Variants in CREB1 observed in about 807,000 individuals in gnomAD.
The protein encoded by CREB1 is cyclic AMP-responsive element-binding protein 1.
CREB1 carries 2 observed loss-of-function variants against 42.0 expected under a neutral mutation model. The ratio of observed to expected loss-of-function variants is 0.05; its 90% CI spans 0.02 to 0.15. The LOEUF (loss-of-function observed/expected upper bound fraction) is 0.15. Among genes scored for constraint, CREB1 ranks in the 10% least tolerant of loss-of-function variants. CREB1 has a pLI of 1.00. For missense variants in CREB1, 199 were observed against 388.9 expected (o/e 0.51, Z 4.11); for synonymous variants, 123 against 139.9 (o/e 0.88, Z 0.85).
At chr2:207,542,868 T>G (rs906001738) in intron 1 of CREB1, among the ~76,000 whole-genome samples, 1 of 152,228 alleles carries the variant, frequency 6.6e-6, no homozygotes, top group Non-Finnish European at 1.5e-5. Flanking sequence ...AGGCCTTCCC[T>G]TTATTCTGTG....
intron 5 of CREB1, among the ~76,000 whole-genome samples, chr2:207,573,018 G>C (rs1156929915): frequency 6.6e-6 from 1 of 152,094 alleles, no homozygotes; most frequent in Non-Finnish European, 1.5e-5. Flanking sequence ...TAGAAAATGT[G>C]TATCTGTCAT....
Position 207,575,379 on chromosome 2 carries a change from A to G in CREB1, c.613A>G (p.Thr205Ala). ...CAATGCAGCAGCCACTCAGCCGGGT[A>G]CTACCATTCTACAGTATGCACAGAC... ...MTNAAATQPG[T>A]TILQYAQTTD... The change falls in exon 6 of 8, where the codon ACT becomes GCT. Residue 205 changes from threonine (T) to alanine (A), a missense_variant. Transcript: ENST00000353267. 3.1e-6 allele frequency: 5 copies of G among 1,614,186 alleles called. No individual in the cohort carries two copies. The highest frequency in any genetic ancestry group is 4.2e-6 in the Non-Finnish European group (5 of 1,180,004).
At chr2:207,591,526 T>G (rs1396875531) in intron 7 of CREB1, among the ~76,000 whole-genome samples, 1 of 152,140 alleles carries the variant, frequency 6.6e-6, no homozygotes, top group Non-Finnish European at 1.5e-5. Context: ...TCCACCTCCC[T>G]GATTCAAGTG....
At chr2:207,545,179 G>A (rs2081254652) in intron 1 of CREB1, among the ~76,000 whole-genome samples, 1 of 152,136 alleles carries the variant, frequency 6.6e-6, no homozygotes, top group Non-Finnish European at 1.5e-5. Context: ...CACCAACAAT[G>A]TAGAAGCATT....
Position 207,571,064 on chromosome 2 carries a change from A to AT in CREB1, c.505+750dup, listed in dbSNP as rs1203086321. 2.4e-4 allele frequency among the ~76,000 whole-genome samples: 8 copies of AT among 32,918 alleles called. No homozygotes were observed. In the South Asian group the frequency reaches 5.2e-3, roughly 22 times the overall value. 21.6% of individuals were successfully genotyped at this position (32,918 alleles called of 152,430 possible). On this transcript the variant is annotated intron_variant, in intron 5 of 7. Transcript: ENST00000353267. ...CTCAAAGTGCTTTATTCATTCAGTG[A>AT]TTTTTTTCATTTGTATTTGTTTATT...
At chr2:207,548,470 G>C (rs1014893815) in intron 1 of CREB1, among the ~76,000 whole-genome samples, 2 of 152,068 alleles carry the variant, frequency 1.3e-5, no homozygotes, top group Non-Finnish European at 2.9e-5. Context: ...GATTCCTGGG[G>C]CCAGGCCCGG....
At chr2:207,581,066 T>G (rs1398057213) in intron 7 of CREB1, 1 of 213,902 alleles carries the variant, frequency 4.7e-6, no homozygotes, top group Non-Finnish European at 9.4e-6. Context: ...TTATGTAACT[T>G]TACATTGTAG....
intron 1 of CREB1, chr2:207,534,480 A>G (rs892699565): frequency 6.6e-6 from 1 of 152,152 alleles, no homozygotes; most frequent in Non-Finnish European, 1.5e-5. Context: ...TATAGGCGTG[A>G]GCCACCACGC....
chr2:207,575,985 A>T (rs1262384267), intron 6 of CREB1, among the ~76,000 whole-genome samples: 50 of 101,736 alleles, frequency 4.9e-4, no homozygotes, highest in East Asian at 3.1e-4. Flanking sequence ...ATCAGTTTTT[A>T]TTATTATTAT....
At chr2:207,543,294 C>T (rs533672526) in intron 1 of CREB1, among the ~76,000 whole-genome samples, 1 of 152,192 alleles carries the variant, frequency 6.6e-6, no homozygotes, top group East Asian at 1.9e-4. Context: ...TACAGAGGCC[C>T]AGTTGTAACT....
At chr2:207,580,752 T>C (rs775832856) in intron 7 of CREB1, 1 of 224,860 alleles carries the variant, frequency 4.4e-6, no homozygotes, top group Non-Finnish European at 8.9e-6. Context: ...CGAATCTCAG[T>C]GTCTTAAAAT....
chr2:207,557,283 C>T (rs1221941102), intron 2 of CREB1, among the ~76,000 whole-genome samples: 2 of 152,178 alleles, frequency 1.3e-5, no homozygotes, highest in Non-Finnish European at 2.9e-5. Flanking sequence ...TCCTTTCTCC[C>T]TACTTCCATT....
intron 7 of CREB1, among the ~76,000 whole-genome samples, chr2:207,579,783 A>G (rs956340894): frequency 3.9e-5 from 6 of 152,078 alleles, no homozygotes; most frequent in Non-Finnish European, 7.4e-5. Flanking sequence ...TCTGGCTTCT[A>G]TGACTAGCAT....
At chr2:207,592,869 C>T (rs372461262) in intron 7 of CREB1, among the ~76,000 whole-genome samples, 1 of 150,634 alleles carries the variant, frequency 6.6e-6, no homozygotes. Context: ...GTCCAGATTG[C>T]ACCACTGCAC....
chr2:207,536,818 C>T (rs1303363814), intron 1 of CREB1, among the ~76,000 whole-genome samples: 24 of 151,870 alleles, frequency 1.6e-4, no homozygotes, highest in Admixed American at 1.6e-3. Context: ...GGTGAAACCC[C>T]ATCTCTACTA....
intron 6 of CREB1, chr2:207,576,931 A>G (rs1056598736): frequency 2.5e-5 from 22 of 876,678 alleles, no homozygotes; most frequent in Non-Finnish European, 3.0e-5. Context: ...TTTAGCCATT[A>G]TCATTTACAT....
chr2:207,582,894 AAAACAAACAAAC>A (rs200290994), intron 7 of CREB1: 1 of 296,344 alleles, frequency 3.4e-6, no homozygotes, highest in African/African-American at 2.4e-5. Flanking sequence ...CTGTCTCAAA[AAAACAAACAAAC>A]AAACAAAAAA....
rs963939649 is a variant in CREB1 at position 207,535,195 on chromosome 2, C to T, written c.-9+5061C>T. Among the ~76,000 whole-genome samples, 117 of 152,154 alleles carry T rather than the reference C, an allele frequency of 7.7e-4. 1 individual carries two copies. Among genetic ancestry groups the T allele is most frequent in the Non-Finnish European group, 2.9e-4 (20 of 68,030 alleles). ...CAGGAAATTGTTATTTAAAGTCCCT[C>T]ATTTCCTGTTTAACTCCAGTTTTTA... is the stretch of plus-strand genomic sequence containing the variant. On this transcript the variant is annotated intron_variant, in intron 1 of 7. Transcript: ENST00000353267.
chr2:207,534,637 G>A (rs891233860), intron 1 of CREB1: 1 of 152,170 alleles, frequency 6.6e-6, no homozygotes, highest in African/African-American at 2.4e-5. Context: ...GGCAAAATAT[G>A]TGTCAAAAGA....
Sources: gnomAD v4.1 joint callset for allele counts (sites outside exome capture counted in the v4.1 genomes callset) on GRCh38, gnomAD v4.1.1 for gene constraint, MANE v1.5 for transcripts, NCBI Gene and HGNC (gene_info 2026-07-23, HGNC 2026-07-21) for gene names.